DENND1A: variants seen among roughly 807,000 people sequenced by gnomAD.
The protein encoded by DENND1A is DENN domain-containing protein 1A.
A neutral mutation model predicts 113.7 loss-of-function variants in DENND1A; 51 were observed. The ratio of observed to expected loss-of-function variants is 0.45; its 90% CI spans 0.36 to 0.57. The LOEUF (loss-of-function observed/expected upper bound fraction) is 0.57, where lower values mean the gene tolerates loss of function less well. Ranked by LOEUF, DENND1A falls within the 20% of genes least tolerant of loss-of-function variation. The pLI, the probability that DENND1A is intolerant of heterozygous loss-of-function variation, is 0.00. For synonymous variants in DENND1A, 565 were observed against 570.8 expected, an observed-to-expected ratio of 0.99 and a Z score of 0.14; for missense variants, 1,258 against 1,395.9, an observed-to-expected ratio of 0.90 and a Z score of 1.57.
intron 11 of DENND1A, among the ~76,000 whole-genome samples, chr9:123,584,565 G>A (rs971118947): frequency 6.6e-6 from 1 of 152,264 alleles, no homozygotes; most frequent in African/African-American, 2.4e-5. Flanking sequence ...AAATGGACAA[G>A]TAGCATATAC....
chr9:123,557,740 A>C, intron 12 of DENND1A, 45 bp from the exon 13 acceptor site: 1 of 1,606,498 alleles, frequency 6.2e-7, no homozygotes, highest in Non-Finnish European at 8.5e-7. Flanking sequence ...ACAGGGTCAA[A>C]GTAGGGTGGC....
chr9:123,638,294 GCTTT>G (rs975984827), intron 9 of DENND1A, among the ~76,000 whole-genome samples: 20 of 152,224 alleles, frequency 1.3e-4, no homozygotes, highest in African/African-American at 3.6e-4. Flanking sequence ...TGAGGAAAGA[GCTTT>G]CTTTCCTCTT....
rs370215399 is a variant in DENND1A at position 123,418,712 on chromosome 9, G to T, written c.1489-6883C>A. Among the ~76,000 whole-genome samples the T allele has an allele frequency of 4.6e-5, 7 of 152,318 alleles. No homozygotes were observed. In the East Asian group the frequency reaches 1.4e-3, roughly 29 times the overall value. On this transcript the variant is annotated intron_variant, in intron 19 of 23. Transcript: ENST00000394215. ...CGGTGCTTCCAGGGCCTAAGCAGCC[G>T]CTGCACACTCACCAGCGCAAGGCTC...
intron 2 of DENND1A, among the ~76,000 whole-genome samples, chr9:123,821,117 A>T (rs910678582): frequency 6.6e-6 from 1 of 152,240 alleles, no homozygotes. Flanking sequence ...AAATTCTTCC[A>T]TGAATATTGT....
chr9:123,744,642 C>T (rs1484810844), intron 5 of DENND1A, among the ~76,000 whole-genome samples: 3 of 152,146 alleles, frequency 2.0e-5, no homozygotes, highest in Non-Finnish European at 4.4e-5. Context: ...CTCATGTACA[C>T]TTTGTCACAT....
chr9:123,664,597 G>C (rs1340082626), intron 8 of DENND1A, among the ~76,000 whole-genome samples: 2 of 151,800 alleles, frequency 1.3e-5, no homozygotes, highest in African/African-American at 4.8e-5. Flanking sequence ...TTTCCCCAGA[G>C]TGTGGTTTTG....
intron 12 of DENND1A, among the ~76,000 whole-genome samples, chr9:123,576,901 G>A (rs2058668281): frequency 6.6e-6 from 1 of 151,820 alleles, no homozygotes; most frequent in Admixed American, 6.6e-5. Context: ...TTTTCTCTCT[G>A]GCTAATTTAA....
Position 123,383,804 on chromosome 9 carries a change from CA to C in DENND1A, c.1869del (p.Asp624ThrfsTer31). On this transcript the variant is annotated frameshift_variant, in exon 23 of 24. Coordinates refer to ENST00000394215, the MANE Select transcript of DENND1A (RefSeq NM_001352964.2). LOFTEE classifies it high-confidence loss of function. Reference sequence around the variant, plus strand: ...AGAAGGTCGATGCTGGCAGCCCGGTCAGGGGGAGCTGGGACAGGGCCTGTGG... The same window carrying C: ...AGAAGGTCGATGCTGGCAGCCCGGTCGGGGGAGCTGGGACAGGGCCTGTGG... ...RKSTGPVPAPPDRAASIDLLE... is the reference protein window; with the variant it reads ...RKSTGPVPAPXDRAASIDLLE... 1 of 1,614,072 alleles carries C rather than the reference CA, an allele frequency of 6.2e-7. No homozygotes were observed. The highest frequency in any genetic ancestry group is 8.5e-7 in the Non-Finnish European group (1 of 1,180,046).
In DENND1A at chr9:123,382,299, C is replaced by T. The variant is rs370707605; in HGVS notation, c.2346G>A (p.Pro782=). 3.8e-5 allele frequency: 61 copies of T among 1,610,746 alleles called. No homozygotes were observed. The highest frequency in any genetic ancestry group is 1.1e-4 in the East Asian group (5 of 44,854). ...GIVPPPPIPR[P]AKLQAAGAAL... ...CGGCGCCGGCAGCCTGGAGCTTGGC[C>T]GGGCGGGGAATGGGCGGTGGAGGCA... The change falls in exon 24 of 24, where the codon CCG becomes CCA. Residue 782 remains proline (P), a synonymous_variant. Transcript: ENST00000394215.
At chr9:123,533,920 G>A (rs1323604490) in intron 13 of DENND1A, among the ~76,000 whole-genome samples, 1 of 152,186 alleles carries the variant, frequency 6.6e-6, no homozygotes, top group African/African-American at 2.4e-5. Context: ...AAGATCCTTG[G>A]AAAGTTTGAA....
At chr9:123,653,443 T>C (rs1564890541) in intron 8 of DENND1A, among the ~76,000 whole-genome samples, 2 of 152,228 alleles carry the variant, frequency 1.3e-5, no homozygotes, top group Non-Finnish European at 2.9e-5. Flanking sequence ...CTATACGCTT[T>C]CCCGTACACA....
chr9:123,912,143 TTACTG>T (rs1231402013), intron 1 of DENND1A, among the ~76,000 whole-genome samples: 6 of 152,314 alleles, frequency 3.9e-5, no homozygotes, highest in Middle Eastern at 3.4e-3. Context: ...TCTGTGTACT[TTACTG>T]TATGTAAATG....
intron 6 of DENND1A, among the ~76,000 whole-genome samples, chr9:123,674,067 C>G (rs2063897275): frequency 6.6e-6 from 1 of 152,042 alleles, no homozygotes; most frequent in Admixed American, 6.5e-5. Context: ...TCTTCTAGAT[C>G]CTATTTGAGT....
At chr9:123,669,944 G>A (rs531216250) in intron 7 of DENND1A, among the ~76,000 whole-genome samples, 3 of 152,140 alleles carry the variant, frequency 2.0e-5, no homozygotes, top group African/African-American at 7.2e-5. Context: ...AGTTAGCCCT[G>A]GCTTTGAAAA....
intron 13 of DENND1A, among the ~76,000 whole-genome samples, chr9:123,502,559 T>C (rs1588876867): frequency 6.6e-6 from 1 of 152,360 alleles, no homozygotes; most frequent in African/African-American, 2.4e-5. Flanking sequence ...GTTTTAGGAA[T>C]TCTCTATATA....
rs1564613708 is a variant in DENND1A at position 123,503,688 on chromosome 9, C to T, written c.994-45791G>A. Among the ~76,000 whole-genome samples the T allele has an allele frequency of 5.9e-5, 9 of 152,204 alleles. No homozygotes were observed. In the South Asian group the frequency reaches 1.9e-3, roughly 31 times the overall value. ...TGCCTGATACTTTCTGATACTATGA[C>T]ATCCTCCCTTCCCTTTTCCCACCCC... is the stretch of plus-strand genomic sequence containing the variant. On this transcript the variant is annotated intron_variant, in intron 13 of 23. Coordinates refer to ENST00000394215, the MANE Select transcript of DENND1A (RefSeq NM_001352964.2).
At chr9:123,487,508 C>T (rs77252494) in intron 13 of DENND1A, among the ~76,000 whole-genome samples, 7,928 of 152,288 alleles carry the variant, frequency 0.052, 307 homozygotes, top group Middle Eastern at 0.12. Flanking sequence ...GAACCTGAGG[C>T]TACTCTCAGA....
intron 5 of DENND1A, among the ~76,000 whole-genome samples, chr9:123,678,230 G>A (rs1051081985): frequency 6.6e-6 from 1 of 151,970 alleles, no homozygotes; most frequent in East Asian, 1.9e-4. Flanking sequence ...TTGTCTTTCC[G>A]GTGCCAAGAA....
At chr9:123,609,294 C>T (rs1473580310) in intron 11 of DENND1A, 142 bp downstream of exon 11, 2 of 805,274 alleles carry the variant, frequency 2.5e-6, no homozygotes, top group Non-Finnish European at 3.7e-6. Context: ...AAACCGAACG[C>T]TCAGCTCTGT....
Sources: gnomAD v4.1 joint callset for allele counts (sites outside exome capture counted in the v4.1 genomes callset) on GRCh38, gnomAD v4.1.1 for gene constraint, MANE v1.5 for transcripts, NCBI Gene and HGNC (gene_info 2026-07-23, HGNC 2026-07-21) for gene names.